PARD3B: variants seen among roughly 807,000 people sequenced by gnomAD.
The protein encoded by PARD3B is par-3 family cell polarity regulator beta.
A neutral mutation model predicts 130.2 loss-of-function variants in PARD3B; 103 were observed. That is an observed-to-expected ratio of 0.79 (90% CI 0.67 to 0.93). The LOEUF is 0.93. PARD3B is among the 40% of genes least tolerant of loss of function. The probability of loss-of-function intolerance (pLI) is 0.00; values close to 1 mark genes in which losing one functional copy is unlikely to be tolerated. For missense variants in PARD3B, 1,609 were observed against 1,499.2 expected (o/e 1.07, Z -1.21); for synonymous variants, 583 against 553.2 (o/e 1.05, Z -0.76).
intron 18 of PARD3B, among the ~76,000 whole-genome samples, chr2:205,323,097 G>A (rs2105971642): frequency 6.6e-6 from 1 of 151,242 alleles, no homozygotes; most frequent in East Asian, 2.0e-4. Flanking sequence ...TTTTAGTAGA[G>A]GGAGGGGTTC....
At chr2:205,131,192 C>A (rs1255030939) in intron 10 of PARD3B, among the ~76,000 whole-genome samples, 6 of 152,024 alleles carry the variant, frequency 3.9e-5, no homozygotes, top group African/African-American at 1.4e-4. Context: ...AATATTATAG[C>A]AGTTATTTGT....
At chr2:204,563,261 CTCTCT>C (rs2031458917) in intron 1 of PARD3B, among the ~76,000 whole-genome samples, 1 of 142,866 alleles carries the variant, frequency 7.0e-6, no homozygotes, top group Non-Finnish European at 1.6e-5. Context: ...CTCTCTCTCT[CTCTCT>C]TTCTCTCTTC....
At chr2:205,071,641 G>A (rs2125486065) in intron 4 of PARD3B, among the ~76,000 whole-genome samples, 1 of 152,156 alleles carries the variant, frequency 6.6e-6, no homozygotes, top group South Asian at 2.1e-4. Context: ...TGTTAGTACA[G>A]ACAACAAAAG....
At chr2:204,905,700 G>A (rs960306112) in intron 2 of PARD3B, among the ~76,000 whole-genome samples, 2 of 152,162 alleles carry the variant, frequency 1.3e-5, no homozygotes, top group African/African-American at 4.8e-5. Flanking sequence ...CAAAATATTG[G>A]TAGACAAAGT....
At chr2:205,371,497 A>G (rs1312592700) in intron 18 of PARD3B, among the ~76,000 whole-genome samples, 2 of 152,184 alleles carry the variant, frequency 1.3e-5, no homozygotes, top group African/African-American at 4.8e-5. Flanking sequence ...CTGTGCTGAC[A>G]TGGAACTAGG....
intron 2 of PARD3B, among the ~76,000 whole-genome samples, chr2:204,953,707 C>T (rs1690004731): frequency 6.6e-6 from 1 of 152,064 alleles, no homozygotes; most frequent in Non-Finnish European, 1.5e-5. Context: ...CTTTGGAAAC[C>T]CAGTATTGCC....
intron 7 of PARD3B, 72 bp downstream of exon 7, chr2:205,119,118 A>G (rs2030314535): frequency 1.4e-6 from 2 of 1,471,558 alleles, no homozygotes; most frequent in African/African-American, 1.4e-5. Flanking sequence ...TGAACTCATT[A>G]TGATCAAAAT....
rs1346501801 is a variant in PARD3B at position 205,183,419 on chromosome 2, T to C, written c.1925-2345T>C. On this transcript the variant is annotated intron_variant, in intron 13 of 22. Transcript: ENST00000406610. The surrounding 1 kb of genome is among the most constrained non-coding windows in gnomAD (Gnocchi z 5.2). ...AAAGGAAGTTGTCCCAGGATGTCCA[T>C]TGTCCCCAATTTACATTACAGTCCT... 6.6e-6 allele frequency among the ~76,000 whole-genome samples: 1 copy of C among 152,182 alleles called. No homozygotes were observed. The highest frequency in any genetic ancestry group is 2.4e-5 in the African/African-American group (1 of 41,438).
Position 205,109,076 on chromosome 2 carries a change from T to A in PARD3B, c.594-4415T>A, listed in dbSNP as rs994541899. Among the ~76,000 whole-genome samples the A allele has an allele frequency of 7.2e-5, 11 of 152,176 alleles. No individual in the cohort carries two copies. In the South Asian group the frequency reaches 1.4e-3, roughly 20 times the overall value. The stretch of plus-strand genomic sequence containing the variant: ...TAAACTCCTCAAGCATTGGTCTTTG[T>A]TTTTTCCTTGTGGAACTTCCCCAAT... On this transcript the variant is annotated intron_variant, in intron 5 of 22. Transcript: ENST00000406610.
chr2:205,507,992 T>C (rs2050439093), intron 21 of PARD3B, among the ~76,000 whole-genome samples: 1 of 152,216 alleles, frequency 6.6e-6, no homozygotes, highest in Non-Finnish European at 1.5e-5. Context: ...ACATTTTAGT[T>C]CACCTCGGAC....
At chr2:204,707,636 C>T (rs187894804) in intron 2 of PARD3B, among the ~76,000 whole-genome samples, 2 of 151,910 alleles carry the variant, frequency 1.3e-5, no homozygotes, top group Non-Finnish European at 2.9e-5. Context: ...ACACACAAAC[C>T]TTTGTACTGT....
intron 2 of PARD3B, among the ~76,000 whole-genome samples, chr2:204,750,346 G>T (rs1356155515): frequency 6.6e-6 from 1 of 152,172 alleles, no homozygotes; most frequent in Admixed American, 6.5e-5. Flanking sequence ...ACTTTGGGAG[G>T]CCAAGGCAGG....
chr2:204,566,936 T>C (rs1479269191), intron 1 of PARD3B, among the ~76,000 whole-genome samples: 1 of 151,622 alleles, frequency 6.6e-6, no homozygotes, highest in East Asian at 1.9e-4. Flanking sequence ...TAGAGTGTAG[T>C]GGTGCGATCT....
At chr2:205,410,634 G>A (rs997401094) in intron 19 of PARD3B, among the ~76,000 whole-genome samples, 1 of 152,120 alleles carries the variant, frequency 6.6e-6, no homozygotes, top group African/African-American at 2.4e-5. Flanking sequence ...AGGCCGGTTT[G>A]GGGCTGGATA....
intron 19 of PARD3B, among the ~76,000 whole-genome samples, chr2:205,426,828 A>C (rs1314392376): frequency 6.6e-6 from 1 of 152,200 alleles, no homozygotes; most frequent in Non-Finnish European, 1.5e-5. Context: ...TGAATCATAA[A>C]ATGCAAATGA....
intron 21 of PARD3B, among the ~76,000 whole-genome samples, chr2:205,514,886 A>G (rs1366173848): frequency 1.4e-5 from 2 of 143,450 alleles, no homozygotes; most frequent in Admixed American, 7.1e-5. Context: ...GGTTTGTTAC[A>G]TAGGTAAACT....
rs1252305159 is a variant in PARD3B, at chr2:205,229,382, T to A, written c.2141-16396T>A. 6.6e-6 allele frequency among the ~76,000 whole-genome samples: 1 copy of A among 152,234 alleles called. No individual in the cohort carries two copies. Among genetic ancestry groups the A allele is most frequent in the African/African-American group, 2.4e-5 (1 of 41,472 alleles). On this transcript the variant is annotated intron_variant, in intron 15 of 22. Coordinates refer to ENST00000406610, the MANE Select transcript of PARD3B (RefSeq NM_001302769.2). This position sits in a 1 kb window ranked among gnomAD's most constrained non-coding sequence, Gnocchi z 5.2. ...TTAGGGGGCACCCCAAGCCCAGTAATGCTGTGACTCTTACAGACTTGTAGA... is the reference window on the plus strand; with the variant it reads ...TTAGGGGGCACCCCAAGCCCAGTAAAGCTGTGACTCTTACAGACTTGTAGA...
intron 2 of PARD3B, among the ~76,000 whole-genome samples, chr2:204,838,860 A>G (rs2044156906): frequency 6.6e-6 from 1 of 152,192 alleles, no homozygotes; most frequent in Non-Finnish European, 1.5e-5. Flanking sequence ...ACACAATGAA[A>G]TAAAAATTTA....
At chr2:205,578,317 C>A (rs918877954) in intron 22 of PARD3B, among the ~76,000 whole-genome samples, 1 of 152,148 alleles carries the variant, frequency 6.6e-6, no homozygotes, top group African/African-American at 2.4e-5. Flanking sequence ...TCATCCAAAG[C>A]AAGAGGTTTA....
Sources: gnomAD v4.1 joint callset for allele counts (sites outside exome capture counted in the v4.1 genomes callset) on GRCh38, gnomAD v4.1.1 for gene constraint, Gnocchi (gnomAD v3.1) non-coding constraint, MANE v1.5 for transcripts, NCBI Gene and HGNC (gene_info 2026-07-23, HGNC 2026-07-21) for gene names.